The following ARHGAP5 variants were observed in gnomAD, a reference collection of about 807,000 sequenced individuals.
The protein encoded by ARHGAP5 is Rho GTPase activating protein 5.
In ARHGAP5, 23 loss-of-function variants were observed where a neutral mutation model predicts 116.6. The ratio of observed to expected loss-of-function variants is 0.20; its 90% CI spans 0.14 to 0.28. ARHGAP5 has a LOEUF of 0.28. ARHGAP5 is among the 10% of genes least tolerant of loss of function. ARHGAP5 has a pLI of 1.00. For synonymous variants in ARHGAP5, 574 were observed against 602.0 expected (o/e 0.95, Z 0.68); for missense variants, 1,405 against 1,774.8 (o/e 0.79, Z 3.74).
In ARHGAP5 at chr14:32,077,327, T is replaced by A; in HGVS notation, c.-277T>A. On this transcript the variant is annotated 5_prime_UTR_variant, in exon 1 of 7. Transcript: ENST00000345122. ...CCGAGGAAGAGAGGCGAGCGGAGAG[T>A]GGAGGAGGAGGCGGCGGCGGCGGGA... 1.7e-6 allele frequency: 1 copy of A among 583,258 alleles called. No homozygotes were observed. Among genetic ancestry groups the A allele is most frequent in the South Asian group, 1.5e-5 (1 of 65,546 alleles). 36.1% of individuals were successfully genotyped at this position (583,258 alleles called of 1,614,324 possible).
At chr14:32,152,976 A>C (rs1392557231) in intron 6 of ARHGAP5, among the ~76,000 whole-genome samples, 1 of 151,734 alleles carries the variant, frequency 6.6e-6, no homozygotes, top group Non-Finnish European at 1.5e-5. Flanking sequence ...CTATTTTAGT[A>C]TATGTACTAA....
intron 2 of ARHGAP5, among the ~76,000 whole-genome samples, chr14:32,099,645 C>T (rs1412641912): frequency 2.6e-5 from 4 of 152,228 alleles, no homozygotes. Flanking sequence ...CCTGAAATAC[C>T]TCAATATACT....
rs147621869 is a variant in ARHGAP5 at position 32,134,528 on chromosome 14, C to A, written c.3866-11735C>A. Reference sequence around the variant, plus strand: ...CTCACTTCACTTAGCTTAAGTGAAGCCCCATTAGTAATGCATCATTAAAAA... The same window carrying A: ...CTCACTTCACTTAGCTTAAGTGAAGACCCATTAGTAATGCATCATTAAAAA... On this transcript the variant is annotated intron_variant, in intron 3 of 6. Coordinates refer to ENST00000345122, the MANE Select transcript of ARHGAP5 (RefSeq NM_001030055.2). 1.2e-4 allele frequency among the ~76,000 whole-genome samples: 18 copies of A among 152,242 alleles called. No homozygotes were observed. In the South Asian group the frequency reaches 2.1e-3, roughly 18 times the overall value.
chr14:32,140,097 C>CTTTTTTTTTTTT (rs1182430088), intron 3 of ARHGAP5, among the ~76,000 whole-genome samples: 1 of 25,384 alleles, frequency 3.9e-5, no homozygotes, highest in Non-Finnish European at 7.3e-5. Flanking sequence ...GTTATTTGTT[C>CTTTTTTTTTTTT]TTTTTTTTTT....
chr14:32,127,989 G>T (rs1439947452), intron 3 of ARHGAP5, among the ~76,000 whole-genome samples: 1 of 143,512 alleles, frequency 7.0e-6, no homozygotes, highest in East Asian at 2.2e-4. Flanking sequence ...GGGCAGAGGC[G>T]CTCCTCACCT....
chr14:32,148,732 T>C (rs1881506559), intron 4 of ARHGAP5, among the ~76,000 whole-genome samples: 1 of 152,224 alleles, frequency 6.6e-6, no homozygotes, highest in Non-Finnish European at 1.5e-5. Flanking sequence ...ATTTTTTTAA[T>C]GAGCAGAGAA....
At chr14:32,085,353 G>T (rs1257777645) in intron 1 of ARHGAP5, among the ~76,000 whole-genome samples, 1 of 152,128 alleles carries the variant, frequency 6.6e-6, no homozygotes, top group Non-Finnish European at 1.5e-5. Flanking sequence ...AGGAGGCTGA[G>T]ATGAGAGGAT....
chr14:32,127,795 G>GC lies in ARHGAP5; in HGVS notation c.3865+10514dup, dbSNP rs532173095. On this transcript the variant is annotated intron_variant, in intron 3 of 6. Coordinates refer to ENST00000345122, the MANE Select transcript of ARHGAP5 (RefSeq NM_001030055.2). Reference sequence around the variant, plus strand: ...CCCCCGAGACAGGGCGGCTGGAGGCGCCCCCCACCTCCCAGACGGGGTGGC... The same window carrying GC: ...CCCCCGAGACAGGGCGGCTGGAGGCGCCCCCCCACCTCCCAGACGGGGTGGC... Among the ~76,000 whole-genome samples the GC allele has an allele frequency of 5.1e-3, 776 of 150,976 alleles. 12 individuals are homozygous for GC. The highest frequency in any genetic ancestry group is 0.017 in the African/African-American group (719 of 41,086).
Position 32,157,467 on chromosome 14 carries a change from A to G in ARHGAP5, c.*2519A>G, listed in dbSNP as rs1881940425. ...ACTGAATAAAATTTCATCTACACAC[A>G]TGTTGCCATTGTTTCATTTAAGGTT... On this transcript the variant is annotated 3_prime_UTR_variant, in exon 7 of 7. Coordinates refer to ENST00000345122, the MANE Select transcript of ARHGAP5 (RefSeq NM_001030055.2). The G allele has an allele frequency of 6.6e-6, 1 of 152,272 alleles. No homozygotes were observed. The highest frequency in any genetic ancestry group is 1.5e-5 in the Non-Finnish European group (1 of 67,732). The allele number at this position is 152,272 out of a possible 1,614,324, so 9.4% of individuals were successfully genotyped here.
chr14:32,151,712 T>C (rs1054254532), intron 5 of ARHGAP5, among the ~76,000 whole-genome samples: 1 of 152,242 alleles, frequency 6.6e-6, no homozygotes, highest in African/African-American at 2.4e-5. Context: ...AAGCCTAAAA[T>C]AGTTACTCTG....
At chr14:32,087,434 T>G (rs1381200935) in intron 1 of ARHGAP5, among the ~76,000 whole-genome samples, 1 of 145,168 alleles carries the variant, frequency 6.9e-6, no homozygotes, top group African/African-American at 2.5e-5. Flanking sequence ...GTGACAACAG[T>G]TTTTTTTTTT....
At chr14:32,098,686 A>G (rs116054626) in intron 2 of ARHGAP5, among the ~76,000 whole-genome samples, 5 of 152,218 alleles carry the variant, frequency 3.3e-5, no homozygotes, top group Admixed American at 3.3e-4. Context: ...GCCATAGACC[A>G]TATGTAAACC....
At chr14:32,077,809 G>C (rs1193282633) in intron 1 of ARHGAP5, among the ~76,000 whole-genome samples, 3 of 152,110 alleles carry the variant, frequency 2.0e-5, no homozygotes, top group African/African-American at 7.2e-5. Flanking sequence ...GAGAGGGGAG[G>C]TGGCGGTGTC....
At chr14:32,147,197 T>C (rs1881417817) in intron 4 of ARHGAP5, among the ~76,000 whole-genome samples, 1 of 152,218 alleles carries the variant, frequency 6.6e-6, no homozygotes, top group Admixed American at 6.5e-5. Context: ...TGAGTGAATA[T>C]TTTTATAGTC....
At chr14:32,104,220 T>A (rs1299936931) in intron 2 of ARHGAP5, among the ~76,000 whole-genome samples, 2 of 152,190 alleles carry the variant, frequency 1.3e-5, no homozygotes, top group African/African-American at 4.8e-5. Flanking sequence ...GTTAGTTGCT[T>A]TGCTAGAACT....
At chr14:32,080,165 T>G (rs2138992291) in intron 1 of ARHGAP5, among the ~76,000 whole-genome samples, 1 of 152,046 alleles carries the variant, frequency 6.6e-6, no homozygotes, top group South Asian at 2.1e-4. Context: ...CTTTAATTGG[T>G]TTTCAAACTC....
At chr14:32,083,452 C>T (rs1010264599) in intron 1 of ARHGAP5, among the ~76,000 whole-genome samples, 1 of 152,332 alleles carries the variant, frequency 6.6e-6, no homozygotes, top group East Asian at 1.9e-4. Context: ...TATTTACTGC[C>T]TGGCCCTTTA....
chr14:32,120,913 A>C (rs1879852551), intron 3 of ARHGAP5, among the ~76,000 whole-genome samples: 1 of 152,024 alleles, frequency 6.6e-6, no homozygotes, highest in Non-Finnish European at 1.5e-5. Context: ...TGAAATCTGC[A>C]ATCATGATTG....
intron 3 of ARHGAP5, among the ~76,000 whole-genome samples, chr14:32,141,147 A>G (rs539993163): frequency 3.3e-5 from 5 of 152,214 alleles, no homozygotes; most frequent in African/African-American, 7.2e-5. Context: ...ATTAATTACT[A>G]TTTATATGGA....
Sources: gnomAD v4.1 joint callset for allele counts (sites outside exome capture counted in the v4.1 genomes callset) on GRCh38, gnomAD v4.1.1 for gene constraint, MANE v1.5 for transcripts, NCBI Gene and HGNC (gene_info 2026-07-23, HGNC 2026-07-21) for gene names.